ANK3: variants seen among roughly 807,000 people sequenced by gnomAD.
ANK3 encodes the protein ankyrin-3.
ANK3 carries 57 observed loss-of-function variants against 370.9 expected under a neutral mutation model. The ratio of observed to expected loss-of-function variants is 0.15; its 90% CI spans 0.12 to 0.19. ANK3 has a LOEUF of 0.19. ANK3 is among the 10% of genes least tolerant of loss of function. The probability of loss-of-function intolerance (pLI) is 1.00; values close to 1 mark genes in which losing one functional copy is unlikely to be tolerated. For synonymous variants in ANK3, 1,929 were observed against 1,946.3 expected (o/e 0.99, Z 0.23); for missense variants, 4,439 against 5,302.1 (o/e 0.84, Z 5.06).
intron 1 of ANK3, among the ~76,000 whole-genome samples, chr10:60,650,599 A>G (rs1214501124): frequency 2.0e-5 from 3 of 152,278 alleles, no homozygotes; most frequent in South Asian, 2.1e-4. Flanking sequence ...GTGAAAGATA[A>G]TGTGAAAAAT....
chr10:60,611,215 G>A (rs2078196934), intron 2 of ANK3, among the ~76,000 whole-genome samples: 1 of 152,134 alleles, frequency 6.6e-6, no homozygotes, highest in South Asian at 2.1e-4. Flanking sequence ...AAGGTGTTTA[G>A]GGACCGATAC....
At chr10:60,139,268 C>T (rs1223471481) in intron 23 of ANK3, 181 bp from the exon 24 acceptor site, 1 of 616,004 alleles carries the variant, frequency 1.6e-6, no homozygotes, top group African/African-American at 1.9e-5. Flanking sequence ...AAGGTTAGTA[C>T]ACAATTTCAA....
intron 28 of ANK3, among the ~76,000 whole-genome samples, chr10:60,089,258 G>T (rs1408283175): frequency 6.6e-6 from 1 of 152,074 alleles, no homozygotes; most frequent in Non-Finnish European, 1.5e-5. Context: ...CTCTAGGAAG[G>T]GTTTACAATC....
chr10:60,082,004 A>C (rs577966682), intron 35 of ANK3, 146 bp downstream of exon 35: 52 of 515,948 alleles, frequency 1.0e-4, no homozygotes, highest in Admixed American at 1.1e-4. Flanking sequence ...GAACCATTTA[A>C]GAAAAATATA....
At chr10:60,722,013 T>C (rs1205852333) in intron 1 of ANK3, among the ~76,000 whole-genome samples, 8 of 152,130 alleles carry the variant, frequency 5.3e-5, no homozygotes, top group Non-Finnish European at 8.8e-5. Context: ...CTCATTACAC[T>C]GATTTTTCAA....
At chr10:60,633,726 G>A (rs1190145142) in intron 1 of ANK3, among the ~76,000 whole-genome samples, 1 of 152,168 alleles carries the variant, frequency 6.6e-6, no homozygotes, top group Non-Finnish European at 1.5e-5. Context: ...AACTATAGGT[G>A]ATATTTACAA....
chr10:60,335,971 AC>A (rs2052727208), intron 1 of ANK3, among the ~76,000 whole-genome samples: 1 of 152,166 alleles, frequency 6.6e-6, no homozygotes, highest in African/African-American at 2.4e-5. Context: ...AGGAGCAATA[AC>A]CGTAAGTGCC....
At chr10:60,547,257 A>T (rs1434206903) in intron 2 of ANK3, among the ~76,000 whole-genome samples, 1 of 150,548 alleles carries the variant, frequency 6.6e-6, no homozygotes, top group African/African-American at 2.4e-5. Context: ...TGGCTAGCTA[A>T]TTTTTTTGTA....
intron 1 of ANK3, among the ~76,000 whole-genome samples, chr10:60,324,891 C>T (rs1010536717): frequency 1.2e-4 from 19 of 152,140 alleles, no homozygotes; most frequent in African/African-American, 4.6e-4. Flanking sequence ...TTGGTGAATA[C>T]TGAAATGAGG....
intron 2 of ANK3, among the ~76,000 whole-genome samples, chr10:60,614,645 T>C (rs918254304): frequency 6.6e-6 from 1 of 152,172 alleles, no homozygotes; most frequent in Non-Finnish European, 1.5e-5. Context: ...CTGAGCAGAA[T>C]ATCCTTCAAG....
At chr10:60,105,758 T>C in intron 28 of ANK3, 147 bp downstream of exon 28, 1 of 693,778 alleles carries the variant, frequency 1.4e-6, no homozygotes, top group Non-Finnish European at 2.2e-6. Context: ...AGCATTATGA[T>C]ATAGAAAACA....
At chr10:60,476,585 T>C (rs2075071169) in intron 2 of ANK3, among the ~76,000 whole-genome samples, 1 of 152,212 alleles carries the variant, frequency 6.6e-6, no homozygotes, top group South Asian at 2.1e-4. Context: ...ACTAACCATA[T>C]GTTTTTGATA....
intron 1 of ANK3, among the ~76,000 whole-genome samples, chr10:60,318,445 T>C (rs1340652): frequency 0.75 from 114,614 of 152,086 alleles, 43,285 homozygotes; most frequent in South Asian, 0.91. Flanking sequence ...CTGTAGATAA[T>C]GGGATCGACT....
chr10:60,356,823 CT>C (rs903555637), intron 1 of ANK3, among the ~76,000 whole-genome samples: 1 of 152,196 alleles, frequency 6.6e-6, no homozygotes, highest in Non-Finnish European at 1.5e-5. Flanking sequence ...ATTCTTGTGC[CT>C]CAGCCTCCCC....
At position 60,582,022 on chromosome 10, in the gene ANK3, C is replaced by T. The variant is rs141747792; in HGVS notation, c.96+33164G>A. On this transcript the variant is annotated intron_variant, in intron 2 of 43. Coordinates refer to the ANK3 transcript ENST00000373827. ...CATTCTCAGCAAACTAACACAGGAA[C>T]AGAAAACCAAACATGGCATATTCTC... Among the ~76,000 whole-genome samples the T allele has an allele frequency of 3.1e-3, 473 of 152,064 alleles. 3 individuals carry two copies. The highest frequency in any genetic ancestry group is 0.011 in the African/African-American group (455 of 41,434).
At chr10:60,535,946 A>T (rs2133207577) in intron 2 of ANK3, among the ~76,000 whole-genome samples, 1 of 152,016 alleles carries the variant, frequency 6.6e-6, no homozygotes, top group Non-Finnish European at 1.5e-5. Context: ...AAAAAATCAC[A>T]AATAGTATTT....
chr10:60,493,814 G>A (rs12246785), intron 2 of ANK3, among the ~76,000 whole-genome samples: 19,538 of 152,066 alleles, frequency 0.13, 1,449 homozygotes, highest in African/African-American at 0.2. Context: ...AAATCACACA[G>A]AGAGTATACA....
intron 2 of ANK3, among the ~76,000 whole-genome samples, chr10:60,480,255 G>A (rs1422389541): frequency 6.6e-6 from 1 of 152,078 alleles, no homozygotes; most frequent in African/African-American, 2.4e-5. Context: ...GTCCATGAGA[G>A]CTCAAGACCT....
At chr10:60,266,952 C>G (rs907013778) in intron 5 of ANK3, among the ~76,000 whole-genome samples, 1 of 152,056 alleles carries the variant, frequency 6.6e-6, no homozygotes, top group Admixed American at 6.6e-5. Context: ...ATACTGTGTG[C>G]TTCAGAATCG....
Sources: gnomAD v4.1 joint callset for allele counts (sites outside exome capture counted in the v4.1 genomes callset) on GRCh38, gnomAD v4.1.1 for gene constraint, MANE v1.5 for transcripts, NCBI Gene and HGNC (gene_info 2026-07-23, HGNC 2026-07-21) for gene names.